The following MACROD2 variants were observed in gnomAD, a reference collection of about 807,000 sequenced individuals.
MACROD2 encodes ADP-ribose glycohydrolase MACROD2.
MACROD2 carries 36 observed loss-of-function variants against 70.4 expected under a neutral mutation model. The ratio of observed to expected loss-of-function variants is 0.51; its 90% CI spans 0.39 to 0.68. The LOEUF is 0.68. MACROD2 is among the 30% of genes least tolerant of loss of function. MACROD2 has a pLI of 0.00. For missense variants in MACROD2, 496 were observed against 538.4 expected (o/e 0.92, Z 0.78); for synonymous variants, 172 against 178.8 (o/e 0.96, Z 0.30).
intron 5 of MACROD2, among the ~76,000 whole-genome samples, chr20:14,734,107 T>C (rs2071629306): frequency 6.6e-6 from 1 of 152,104 alleles, no homozygotes; most frequent in African/African-American, 2.4e-5. Context: ...CACATCTTCT[T>C]AAAAACCGTC....
chr20:15,956,664 G>A (rs1054748368), intron 12 of MACROD2, among the ~76,000 whole-genome samples: 1 of 152,116 alleles, frequency 6.6e-6, no homozygotes, highest in African/African-American at 2.4e-5. Context: ...CAGCAGCAGC[G>A]GTGTCATCTG....
At chr20:15,519,118 C>G (rs867772027) in intron 8 of MACROD2, among the ~76,000 whole-genome samples, 2 of 91,016 alleles carry the variant, frequency 2.2e-5, no homozygotes, top group African/African-American at 4.7e-5. Flanking sequence ...TTCCTTCCTT[C>G]CTTTCTTTCT....
At chr20:15,135,047 G>T (rs1307937460) in intron 5 of MACROD2, among the ~76,000 whole-genome samples, 1 of 152,052 alleles carries the variant, frequency 6.6e-6, no homozygotes, top group Non-Finnish European at 1.5e-5. Flanking sequence ...ACCAATAACA[G>T]GCTCTGAAAT....
At chr20:14,761,403 A>AAT (rs1327644145) in intron 5 of MACROD2, among the ~76,000 whole-genome samples, 4 of 152,132 alleles carry the variant, frequency 2.6e-5, no homozygotes, top group South Asian at 2.1e-4. Flanking sequence ...TGAGGTTTAA[A>AAT]AGCTGACGAA....
intron 4 of MACROD2, among the ~76,000 whole-genome samples, chr20:14,630,197 A>G (rs185251383): frequency 7.9e-5 from 12 of 152,298 alleles, no homozygotes; most frequent in Admixed American, 7.2e-4. Flanking sequence ...TCAACAGTGT[A>G]AAACAACAGG....
chr20:16,008,750 A>C (rs929292580), intron 15 of MACROD2, among the ~76,000 whole-genome samples: 1 of 152,182 alleles, frequency 6.6e-6, no homozygotes, highest in Non-Finnish European at 1.5e-5. Context: ...TCTGAGTAAA[A>C]GGCTATACTC....
At chr20:14,130,579 C>T (rs1243233755) in intron 3 of MACROD2, among the ~76,000 whole-genome samples, 3 of 151,914 alleles carry the variant, frequency 2.0e-5, no homozygotes, top group Non-Finnish European at 2.9e-5. Context: ...AAATATCTAC[C>T]GTTAGCATAG....
intron 2 of MACROD2, among the ~76,000 whole-genome samples, chr20:14,058,767 C>T (rs1349606523): frequency 6.6e-6 from 1 of 151,848 alleles, no homozygotes; most frequent in Non-Finnish European, 1.5e-5. Flanking sequence ...CCTCAGCCTC[C>T]TGAGTAGCTG....
intron 9 of MACROD2, among the ~76,000 whole-genome samples, chr20:15,884,954 G>A (rs1334766690): frequency 1.3e-5 from 2 of 152,012 alleles, no homozygotes; most frequent in Non-Finnish European, 2.9e-5. Flanking sequence ...CTTTTATAAA[G>A]ACACTAATCC....
intron 5 of MACROD2, among the ~76,000 whole-genome samples, chr20:14,695,561 G>A (rs951957354): frequency 3.9e-5 from 6 of 152,174 alleles, no homozygotes; most frequent in African/African-American, 1.4e-4. Context: ...CAGTTTCTAT[G>A]TCATGAGGCA....
chr20:15,913,569 G>T (rs949898778), intron 10 of MACROD2, among the ~76,000 whole-genome samples: 1 of 152,134 alleles, frequency 6.6e-6, no homozygotes, highest in African/African-American at 2.4e-5. Flanking sequence ...CCAGTTTCCT[G>T]AAAATTGTAA....
At chr20:15,142,732 G>A (rs982670526) in intron 5 of MACROD2, among the ~76,000 whole-genome samples, 2 of 148,442 alleles carry the variant, frequency 1.3e-5, no homozygotes, top group African/African-American at 5.0e-5. Context: ...TCATTGTTCA[G>A]TTCCCACCTA....
intron 2 of MACROD2, among the ~76,000 whole-genome samples, chr20:14,074,552 T>G (rs941411716): frequency 6.6e-6 from 1 of 151,966 alleles, no homozygotes; most frequent in Non-Finnish European, 1.5e-5. Flanking sequence ...GAGACCTATG[T>G]TTTTTTTGAA....
intron 3 of MACROD2, among the ~76,000 whole-genome samples, chr20:14,103,492 A>C (rs1188175325): frequency 6.6e-6 from 1 of 152,176 alleles, no homozygotes; most frequent in Non-Finnish European, 1.5e-5. Context: ...TTTAAAAAAG[A>C]GAACAGTTTT....
At chr20:15,512,023 C>T (rs1051792449) in intron 8 of MACROD2, among the ~76,000 whole-genome samples, 1 of 152,208 alleles carries the variant, frequency 6.6e-6, no homozygotes, top group East Asian at 1.9e-4. Flanking sequence ...TAAAAACTCC[C>T]ATTTGTTCTC....
chr20:15,775,886 C>T (rs1325681202), intron 8 of MACROD2, among the ~76,000 whole-genome samples: 2 of 152,052 alleles, frequency 1.3e-5, no homozygotes, highest in Non-Finnish European at 2.9e-5. Context: ...GTGATGCTTA[C>T]TCAGATCCAA....
At chr20:15,200,087 C>T (rs2076642446) in intron 5 of MACROD2, among the ~76,000 whole-genome samples, 1 of 152,110 alleles carries the variant, frequency 6.6e-6, no homozygotes, top group Non-Finnish European at 1.5e-5. Context: ...CAAGAACCTG[C>T]CTCCAAATTT....
intron 4 of MACROD2, among the ~76,000 whole-genome samples, chr20:14,673,088 CT>C (rs1288180557): frequency 2.0e-5 from 3 of 152,180 alleles, no homozygotes; most frequent in Admixed American, 2.0e-4. Context: ...TGAAATCCTA[CT>C]TGTCATTGAG....
At chr20:15,826,023 A>G (rs989197142) in intron 8 of MACROD2, among the ~76,000 whole-genome samples, 5 of 152,182 alleles carry the variant, frequency 3.3e-5, no homozygotes, top group Non-Finnish European at 7.3e-5. Context: ...CTTCTGCTCA[A>G]CCTATTCCAG....
Sources: gnomAD v4.1 joint callset for allele counts (sites outside exome capture counted in the v4.1 genomes callset) on GRCh38, gnomAD v4.1.1 for gene constraint, MANE v1.5 for transcripts, NCBI Gene and HGNC (gene_info 2026-07-23, HGNC 2026-07-21) for gene names.